Variants in SEMA3D observed in about 807,000 individuals in gnomAD.
SEMA3D encodes semaphorin 3D.
A neutral mutation model predicts 100.1 loss-of-function variants in SEMA3D; 84 were observed. The ratio of observed to expected loss-of-function variants is 0.84; its 90% CI spans 0.70 to 1.01. The LOEUF (loss-of-function observed/expected upper bound fraction) is 1.01, where lower values mean the gene tolerates loss of function less well. SEMA3D is among the 50% of genes least tolerant of loss of function. The pLI is 0.00. For synonymous variants in SEMA3D, 312 were observed against 320.7 expected, an observed-to-expected ratio of 0.97 and a Z score of 0.29; for missense variants, 875 against 934.1, an observed-to-expected ratio of 0.94 and a Z score of 0.82.
intron 2 of SEMA3D, chr7:85,142,273 A>G (rs1790074109): frequency 1.0e-6 from 1 of 980,798 alleles, no homozygotes; most frequent in Non-Finnish European, 1.2e-6. Flanking sequence ...AACAATATCT[A>G]GTAAAACACT....
At chr7:85,218,351 G>A in the SEMA3D span, among the ~76,000 whole-genome samples, 1 of 151,878 alleles carries the variant, frequency 6.6e-6, no homozygotes, top group Non-Finnish European at 1.5e-5. Flanking sequence ...TCATACAATA[G>A]GAATACATAA....
intron 1 of SEMA3D, among the ~76,000 whole-genome samples, chr7:85,184,605 T>A (rs1236830692): frequency 6.6e-6 from 1 of 152,110 alleles, no homozygotes; most frequent in African/African-American, 2.4e-5. Context: ...ACACAATAGG[T>A]GTTTGATAAA....
At chr7:85,078,170 A>G (rs1315606086) in intron 5 of SEMA3D, among the ~76,000 whole-genome samples, 1 of 152,162 alleles carries the variant, frequency 6.6e-6, no homozygotes, top group East Asian at 1.9e-4. Flanking sequence ...GTTAGTGTTC[A>G]TGGGGGAGAG....
At chr7:85,000,594 T>C (rs1452467088) in intron 18 of SEMA3D, among the ~76,000 whole-genome samples, 1 of 152,220 alleles carries the variant, frequency 6.6e-6, no homozygotes. Context: ...TGTGATACTT[T>C]ATACTGTCAT....
At chr7:85,215,918 T>C in the SEMA3D span, among the ~76,000 whole-genome samples, 4 of 152,144 alleles carry the variant, frequency 2.6e-5, no homozygotes, top group South Asian at 8.3e-4. Flanking sequence ...AAGCTAGTTG[T>C]AATGAGAAAT....
At chr7:85,170,487 G>A (rs775570843) in intron 1 of SEMA3D, among the ~76,000 whole-genome samples, 7 of 151,830 alleles carry the variant, frequency 4.6e-5, no homozygotes, top group Non-Finnish European at 8.8e-5. Flanking sequence ...GGGAATCTAG[G>A]TCCTGAGAGA....
intron 17 of SEMA3D, among the ~76,000 whole-genome samples, chr7:85,011,637 C>T (rs374672399): frequency 2.6e-5 from 4 of 151,638 alleles, no homozygotes; most frequent in Admixed American, 6.6e-5. Context: ...TAATCATCCC[C>T]GATAAATTTC....
At chr7:85,231,120 G>T in the SEMA3D span, among the ~76,000 whole-genome samples, 2 of 152,022 alleles carry the variant, frequency 1.3e-5, no homozygotes, top group Non-Finnish European at 2.9e-5. Flanking sequence ...TTTCATTTGT[G>T]TCTTCTCAGG....
At chr7:85,164,236 T>C (rs987589711) in intron 1 of SEMA3D, among the ~76,000 whole-genome samples, 3 of 152,072 alleles carry the variant, frequency 2.0e-5, no homozygotes, top group Non-Finnish European at 2.9e-5. Flanking sequence ...TTGAACTAAG[T>C]CACTACATAA....
chr7:85,142,839 A>T, intron 2 of SEMA3D: 3 of 985,210 alleles, frequency 3.0e-6, no homozygotes, highest in Non-Finnish European at 2.4e-6. Flanking sequence ...AAATAAATAC[A>T]ACCCATCTTA....
the SEMA3D span, among the ~76,000 whole-genome samples, chr7:85,208,242 A>C: frequency 2.0e-5 from 3 of 152,042 alleles, no homozygotes; most frequent in African/African-American, 4.8e-5. Context: ...GACATTGCTT[A>C]CCTTATTTAA....
Position 85,107,595 on chromosome 7 carries a change from C to G in SEMA3D, c.152-9630G>C, listed in dbSNP as rs534726442. On this transcript the variant is annotated intron_variant, in intron 3 of 18. Coordinates refer to ENST00000284136, the MANE Select transcript of SEMA3D (RefSeq NM_001384900.1). The stretch of plus-strand genomic sequence containing the variant: ...GCAGTTTAGAATTTGCCACAGCTTG[C>G]TACGTATTGTCAATTTTTCCTCCAA... Among the ~76,000 whole-genome samples the G allele has an allele frequency of 2.7e-4, 41 of 152,118 alleles. No homozygotes were observed. The South Asian group carries it at 8.5e-3, about 32-fold the overall frequency.
At chr7:85,210,807 A>G in the SEMA3D span, among the ~76,000 whole-genome samples, 7 of 152,078 alleles carry the variant, frequency 4.6e-5, no homozygotes, top group African/African-American at 1.7e-4. Flanking sequence ...ACACCATTAG[A>G]TGTAAGTAAT....
At chr7:85,181,820 T>C in intron 1 of SEMA3D, 1 of 919,162 alleles carries the variant, frequency 1.1e-6, no homozygotes, top group Non-Finnish European at 1.3e-6. Context: ...TTGATGGCTG[T>C]TAAAATTATG....
At chr7:85,188,006 G>A (rs1442860188), upstream of SEMA3D, among the ~76,000 whole-genome samples, 2 of 152,152 alleles carry the variant, frequency 1.3e-5, no homozygotes, top group South Asian at 2.1e-4. Flanking sequence ...AAGCAGCCAC[G>A]GGATCCTGCA....
chr7:85,096,423 T>A (rs542614364), intron 4 of SEMA3D, among the ~76,000 whole-genome samples: 1 of 152,034 alleles, frequency 6.6e-6, no homozygotes, highest in South Asian at 2.1e-4. Context: ...ATACTTTAAT[T>A]TTTTTAAAGA....
intron 12 of SEMA3D, among the ~76,000 whole-genome samples, chr7:85,027,582 CA>C (rs1335195077): frequency 1.3e-5 from 2 of 151,616 alleles, no homozygotes; most frequent in African/African-American, 4.8e-5. Context: ...TTTTGTTAAC[CA>C]AGATTTATAG....
chr7:85,144,579 G>A (rs916902921), intron 2 of SEMA3D: 9 of 984,976 alleles, frequency 9.1e-6, no homozygotes, highest in African/African-American at 1.7e-5. Flanking sequence ...GGATTTCCGT[G>A]AGGATCTTTA....
intron 2 of SEMA3D, among the ~76,000 whole-genome samples, chr7:85,149,746 C>T (rs1295259911): frequency 1.3e-5 from 2 of 152,110 alleles, no homozygotes; most frequent in Non-Finnish European, 2.9e-5. Flanking sequence ...GATTCAGGGG[C>T]TACGATTAAC....
Sources: allele counts gnomAD v4.1 joint callset (sites outside exome capture counted in the v4.1 genomes callset), GRCh38; gene constraint gnomAD v4.1.1; transcripts MANE v1.5; gene names NCBI Gene and HGNC (gene_info 2026-07-23, HGNC 2026-07-21).